PGAP2: variants seen among roughly 807,000 people sequenced by gnomAD.
PGAP2 encodes post-GPI attachment to proteins 2.
PGAP2 carries 21 observed loss-of-function variants against 33.2 expected under a neutral mutation model. The ratio of observed to expected loss-of-function variants is 0.63; its 90% CI spans 0.45 to 0.91. The LOEUF (loss-of-function observed/expected upper bound fraction) is 0.91. PGAP2 is among the 40% of genes least tolerant of loss of function. The pLI, the probability that PGAP2 is intolerant of heterozygous loss-of-function variation, is 0.00. For missense variants in PGAP2, 345 were observed against 424.0 expected (o/e 0.81, Z 1.64); for synonymous variants, 161 against 172.9 (o/e 0.93, Z 0.54).
Position 3,825,375 on chromosome 11 carries a change from A to G in PGAP2, c.865A>G (p.Met289Val), listed in dbSNP as rs779980198. The part of the protein sequence containing the change: ...ILEYTVVLTN[M>V]AFHMTAWWDF... ...GGAGTACACTGTTGTCTTAACCAAC[A>G]TGGCGTTCCACATGACGGCCTGGTG... is the stretch of plus-strand genomic sequence containing the variant. Residue 289 changes from methionine to valine, a missense_variant, in exon 7 of 7, where the codon ATG (methionine) becomes GTG (valine). By Grantham distance (21) the Met-to-Val change is conservative. Around this residue, in one of 2 missense-constraint regions of PGAP2, gnomAD observed 311 missense variants for 353.6 expected, o/e 0.88. Coordinates refer to ENST00000278243, the MANE Select transcript of PGAP2 (RefSeq NM_014489.4). The G allele has an allele frequency of 1.2e-6, 2 of 1,613,786 alleles. No individual in the cohort carries two copies. The highest frequency in any genetic ancestry group is 1.1e-5 in the South Asian group (1 of 91,072).
chr11:3,801,677 G>T (rs371963711), intron 1 of PGAP2, among the ~76,000 whole-genome samples: 3 of 150,576 alleles, frequency 2.0e-5, no homozygotes, highest in Non-Finnish European at 4.4e-5. Flanking sequence ...GGGCACGGGG[G>T]CTCACTCCTG....
chr11:3,825,610 G>T lies in PGAP2; in HGVS notation c.*152G>T. 1.3e-6 allele frequency: 1 copy of T among 758,126 alleles called. No individual in the cohort carries two copies. Among genetic ancestry groups the T allele is most frequent in the African/African-American group, 2.0e-5 (1 of 48,898 alleles). 47.0% of individuals were successfully genotyped at this position (758,126 alleles called of 1,614,324 possible). A position where few individuals can be genotyped will look rare whatever the true frequency, so the allele number is the denominator to read the frequency against. ...AGGGTGTAGGCCAAGGCTCACCCCA[G>T]TGCTGCTGGCTTCTCCTCTCCACCC... On this transcript the variant is annotated 3_prime_UTR_variant, in exon 7 of 7. Transcript: ENST00000278243.
At position 3,817,575 on chromosome 11, in the gene PGAP2, C is replaced by T. The variant is rs1194406308; in HGVS notation, c.348+40C>T. On this transcript the variant is annotated intron_variant, in intron 3 of 6. Transcript: ENST00000278243. ...CCCAGCCCCTGGGTCAGGGCCAGGT[C>T]AGGAGGTGGCAGTTAGGGTAGAATT... The T allele has an allele frequency of 2.6e-6, 4 of 1,517,390 alleles. No homozygotes were observed. In the Admixed American group the frequency reaches 6.7e-5, roughly 25 times the overall value. The allele number at this position is 1,517,390 out of a possible 1,614,324, so 94.0% of individuals were successfully genotyped here.
chr11:3,800,175 C>G (rs1277970805), intron 1 of PGAP2, among the ~76,000 whole-genome samples: 1 of 152,180 alleles, frequency 6.6e-6, no homozygotes, highest in African/African-American at 2.4e-5. Context: ...AACCACACTC[C>G]CTTGCCTTTG....
At chr11:3,802,668 A>G (rs1464430280) in intron 1 of PGAP2, among the ~76,000 whole-genome samples, 4 of 152,174 alleles carry the variant, frequency 2.6e-5, no homozygotes, top group African/African-American at 4.8e-5. Context: ...TTGTGGAAGG[A>G]TGAGACTTCT....
Position 3,824,263 on chromosome 11 carries a change from C to T in PGAP2, c.602-7C>T. On this transcript the variant is annotated splice_region_variant and splice_polypyrimidine_tract_variant and intron_variant, in intron 4 of 6. Transcript: ENST00000278243. ...GCAATGTGGCTCCCAATCCTCTTTCCCTCCAGCCATCCACGAAAATGCTTT... is the reference window on the plus strand; with the variant it reads ...GCAATGTGGCTCCCAATCCTCTTTCTCTCCAGCCATCCACGAAAATGCTTT... 5.0e-6 allele frequency: 8 copies of T among 1,614,210 alleles called. No homozygotes were observed. Among genetic ancestry groups the T allele is most frequent in the Non-Finnish European group, 6.8e-6 (8 of 1,180,026 alleles).
At position 3,825,024 on chromosome 11, in the gene PGAP2, G is replaced by A. The variant is rs774843232; in HGVS notation, c.713G>A (p.Arg238His). 10 of 1,614,024 alleles carry A rather than the reference G, an allele frequency of 6.2e-6. No individual in the cohort carries two copies. Among genetic ancestry groups the A allele is most frequent in the Middle Eastern group, 1.6e-4 (1 of 6,080 alleles). Residue 238 changes from arginine to histidine, a missense_variant, in exon 6 of 7, where the codon CGC (arginine) becomes CAC (histidine). Transcript: ENST00000278243. ...TKKHTVSQEDRKSYSWKQRLF... is the reference protein window; with the variant it reads ...TKKHTVSQEDHKSYSWKQRLF... ...ATCAGACAGCCCATTCCCTAGGATC[G>A]CAAGTCCTACAGCTGGAAACAGCGG...
At chr11:3,806,338 A>T (rs1424785147), upstream of PGAP2, among the ~76,000 whole-genome samples, 1 of 152,072 alleles carries the variant, frequency 6.6e-6, no homozygotes, top group African/African-American at 2.4e-5. Context: ...CTTTTTGTAA[A>T]GTTTTGCTAG....
chr11:3,822,895 C>G (rs1468676888), intron 3 of PGAP2: 19 of 1,430,652 alleles, frequency 1.3e-5, no homozygotes, highest in Non-Finnish European at 1.8e-5. Flanking sequence ...ATTATCTTCT[C>G]CTTTTTCCTT....
chr11:3,816,852 C>A (rs575721180), intron 2 of PGAP2, among the ~76,000 whole-genome samples: 1 of 152,168 alleles, frequency 6.6e-6, no homozygotes, highest in African/African-American at 2.4e-5. Context: ...TCTGAGCCAA[C>A]GGTCCTTTGT....
Position 3,824,830 on chromosome 11 carries a change from A to G in PGAP2, c.709-190A>G. The G allele has an allele frequency of 3.5e-6, 5 of 1,437,584 alleles. No homozygotes were observed. In the South Asian group the frequency reaches 4.5e-5, roughly 13 times the overall value. 89.1% of individuals were successfully genotyped at this position (1,437,584 alleles called of 1,614,324 possible). Reference sequence around the variant, plus strand: ...CAGGAATACCACTGCTCCTCGGCCCATCACTCCCCCAGAGGCAGGGACGTG... The same window carrying G: ...CAGGAATACCACTGCTCCTCGGCCCGTCACTCCCCCAGAGGCAGGGACGTG... On this transcript the variant is annotated intron_variant, in intron 5 of 6. Transcript: ENST00000278243.
At chr11:3,818,891 C>G (rs1473640012) in intron 3 of PGAP2, among the ~76,000 whole-genome samples, 1 of 152,118 alleles carries the variant, frequency 6.6e-6, no homozygotes, top group African/African-American at 2.4e-5. Flanking sequence ...CATTGGGGAT[C>G]ACTTTCTTCT....
intron 2 of PGAP2, among the ~76,000 whole-genome samples, chr11:3,815,224 C>T (rs1224705135): frequency 6.6e-6 from 1 of 152,114 alleles, no homozygotes. Context: ...CTCTGCTTTG[C>T]CGTAGAACTA....
intron 2 of PGAP2, among the ~76,000 whole-genome samples, chr11:3,816,527 G>C (rs1370434117): frequency 6.6e-6 from 1 of 152,170 alleles, no homozygotes; most frequent in Non-Finnish European, 1.5e-5. Flanking sequence ...TCCTGGGTCT[G>C]GCCCAGGACA....
chr11:3,818,511 C>T (rs2087697842), intron 3 of PGAP2, among the ~76,000 whole-genome samples: 1 of 152,038 alleles, frequency 6.6e-6, no homozygotes, highest in South Asian at 2.1e-4. Flanking sequence ...GTGGCTTTGG[C>T]CCAGACTCGG....
chr11:3,823,083 C>A, intron 3 of PGAP2: 1 of 555,848 alleles, frequency 1.8e-6, no homozygotes, highest in South Asian at 2.4e-5. Flanking sequence ...GTTGCCCAAG[C>A]TGGAGTGCAG....
chr11:3,823,485 C>T, intron 3 of PGAP2: 1 of 936,644 alleles, frequency 1.1e-6, no homozygotes, highest in South Asian at 1.5e-5. Flanking sequence ...CTCAGATGGT[C>T]TGTGACTCAT....
intron 3 of PGAP2, among the ~76,000 whole-genome samples, chr11:3,819,724 C>T (rs937429400): frequency 6.6e-6 from 1 of 152,018 alleles, no homozygotes; most frequent in African/African-American, 2.4e-5. Flanking sequence ...AGCTGTGTAC[C>T]CAGTTTCTCA....
chr11:3,813,165 T>C (rs566784099), intron 2 of PGAP2, among the ~76,000 whole-genome samples: 11 of 152,282 alleles, frequency 7.2e-5, no homozygotes, highest in Admixed American at 5.9e-4. Flanking sequence ...CCCAACCAGA[T>C]GGGGATCTCC....
Sources: gnomAD v4.1 joint callset for allele counts (sites outside exome capture counted in the v4.1 genomes callset) on GRCh38, gnomAD v4.1.1 for gene constraint, gnomAD v4.1.1 regional missense constraint, MANE v1.5 for transcripts, NCBI Gene and HGNC (gene_info 2026-07-23, HGNC 2026-07-21) for gene names.